BRSK2: variants seen among roughly 807,000 people sequenced by gnomAD.
The protein encoded by BRSK2 is BR serine/threonine kinase 2.
Under a neutral mutation model 83.3 loss-of-function variants are expected in BRSK2, and 19 were observed. The ratio of observed to expected loss-of-function variants is 0.23; its 90% CI spans 0.16 to 0.33. The LOEUF is 0.33. Ranked by LOEUF, BRSK2 falls within the 10% of genes least tolerant of loss-of-function variation. The pLI, the probability that BRSK2 is intolerant of heterozygous loss-of-function variation, is 1.00. For synonymous variants in BRSK2, 519 were observed against 435.4 expected (o/e 1.19, Z -2.39); for missense variants, 798 against 1,042.3 (o/e 0.77, Z 3.23).
rs1846188337 is a variant in BRSK2 at position 1,454,198 on chromosome 11, T to C, written c.1545-287T>C. ...TGGGGGGCTCACCTGTGGAGGGGCA[T>C]CCCCAGACTTGGGAGTGGGTGGCAT... On this transcript the variant is annotated intron_variant, in intron 15 of 19. Coordinates refer to ENST00000528841, the MANE Select transcript of BRSK2 (RefSeq NM_001256627.2). This position sits in a 1 kb window ranked among gnomAD's most constrained non-coding sequence, Gnocchi z 5.2. 4.8e-6 allele frequency: 1 copy of C among 207,360 alleles called. No individual in the cohort carries two copies. The highest frequency in any genetic ancestry group is 4.6e-5 in the African/African-American group (1 of 21,782). 12.8% of individuals were successfully genotyped at this position (207,360 alleles called of 1,614,324 possible).
chr11:1,460,429 C>T (rs1847288659), intron 19 of BRSK2, 71 bp from the exon 20 acceptor site: 3 of 1,009,692 alleles, frequency 3.0e-6, no homozygotes, highest in African/African-American at 1.7e-5. Context: ...TCCCTCCCCT[C>T]CTCTTTCTCT....
intron 1 of BRSK2, among the ~76,000 whole-genome samples, chr11:1,427,889 G>A (rs1163380871): frequency 6.6e-6 from 1 of 152,186 alleles, no homozygotes; most frequent in African/African-American, 2.4e-5. Flanking sequence ...CCAGAAAGTG[G>A]CAAAACTGCT....
At chr11:1,412,906 G>C (rs7107140) in intron 1 of BRSK2, among the ~76,000 whole-genome samples, 1 of 150,264 alleles carries the variant, frequency 6.7e-6, no homozygotes. Flanking sequence ...GCAGTCACTC[G>C]CATGGGACGG....
At position 1,423,563 on chromosome 11, in the gene BRSK2, C is replaced by G. The variant is rs1034071330; in HGVS notation, c.92-12477C>G. On this transcript the variant is annotated intron_variant, in intron 1 of 19. Coordinates refer to ENST00000528841, the MANE Select transcript of BRSK2 (RefSeq NM_001256627.2). This position sits in a 1 kb window ranked among gnomAD's most constrained non-coding sequence, Gnocchi z 6.5. ...CGAGCTCCCTGGGGCTCCTCAGACCCGGTCACCGAACAGCAGAGACGTGCT... is the reference window on the plus strand; with the variant it reads ...CGAGCTCCCTGGGGCTCCTCAGACCGGGTCACCGAACAGCAGAGACGTGCT... Among the ~76,000 whole-genome samples, 9 of 152,136 alleles carry G rather than the reference C, an allele frequency of 5.9e-5. No individual in the cohort carries two copies. The highest frequency in any genetic ancestry group is 8.8e-5 in the Non-Finnish European group (6 of 68,010).
At chr11:1,439,217 G>A (rs970393298) in intron 3 of BRSK2, among the ~76,000 whole-genome samples, 3 of 152,086 alleles carry the variant, frequency 2.0e-5, no homozygotes, top group African/African-American at 7.2e-5. Context: ...CTGAGGGCCT[G>A]GCTGAACCCA....
intron 1 of BRSK2, among the ~76,000 whole-genome samples, chr11:1,434,439 G>A (rs1303834576): frequency 3.4e-5 from 5 of 147,542 alleles, no homozygotes; most frequent in South Asian, 2.2e-4. Context: ...GGGGTCCCCT[G>A]TGATAATATG....
At chr11:1,439,619 G>T (rs370332023) in intron 3 of BRSK2, among the ~76,000 whole-genome samples, 1 of 152,166 alleles carries the variant, frequency 6.6e-6, no homozygotes, top group East Asian at 1.9e-4. Flanking sequence ...GGCCGGGCTC[G>T]CGGCTTCTCC....
chr11:1,402,160 C>T (rs2134054131), intron 1 of BRSK2, among the ~76,000 whole-genome samples: 1 of 152,320 alleles, frequency 6.6e-6, no homozygotes, highest in East Asian at 1.9e-4. Context: ...ATGGAGCAGC[C>T]TGGGGAAGGC....
At chr11:1,421,829 A>G (rs539061044) in intron 1 of BRSK2, among the ~76,000 whole-genome samples, 1 of 152,252 alleles carries the variant, frequency 6.6e-6, no homozygotes, top group East Asian at 1.9e-4. Context: ...TGTCTGTGGC[A>G]ACTTCAGAGG....
chr11:1,435,952 G>A, intron 1 of BRSK2, 88 bp from the exon 2 acceptor site: 1 of 984,572 alleles, frequency 1.0e-6, no homozygotes, highest in Non-Finnish European at 1.5e-6. Context: ...CCAGGACGTG[G>A]GAGGAGGCCC....
chr11:1,446,046 AGCTGGGCTGG>A (rs55914513), intron 12 of BRSK2, 139 bp downstream of exon 12: 24 of 940,774 alleles, frequency 2.6e-5, no homozygotes, highest in South Asian at 7.2e-5. Flanking sequence ...AACTGGGCTT[AGCTGGGCTGG>A]GCTGGGCTGG....
chr11:1,435,773 G>A (rs1012542258), intron 1 of BRSK2, among the ~76,000 whole-genome samples: 22 of 151,800 alleles, frequency 1.4e-4, no homozygotes, highest in African/African-American at 4.8e-4. Context: ...GGTGCCTTGG[G>A]ATGGGGAGAG....
At chr11:1,425,378 C>T (rs1849094957) in intron 1 of BRSK2, among the ~76,000 whole-genome samples, 1 of 152,196 alleles carries the variant, frequency 6.6e-6, no homozygotes, top group South Asian at 2.1e-4. Flanking sequence ...TGCTGCCAGA[C>T]ATGCCCACTG....
chr11:1,454,256 A>AAAGGTT lies in BRSK2; in HGVS notation c.1545-227_1545-222dup. The AAAGGTT allele has an allele frequency of 2.1e-6, 1 of 465,826 alleles. No individual in the cohort carries two copies. The highest frequency in any genetic ancestry group is 4.1e-5 in the East Asian group (1 of 24,626). The allele number at this position is 465,826 out of a possible 1,614,324, so 28.9% of individuals were successfully genotyped here. On this transcript the variant is annotated intron_variant, in intron 15 of 19. Coordinates refer to ENST00000528841, the MANE Select transcript of BRSK2 (RefSeq NM_001256627.2). This position sits in a 1 kb window ranked among gnomAD's most constrained non-coding sequence, Gnocchi z 5.2. ...AGGGTCAGGGCGTTAGGGCTTGGAG[A>AAAGGTT]AAGGTTAGGGTTGGGGTTGGGGTTA...
chr11:1,446,532 T>C (rs979595351), intron 12 of BRSK2, among the ~76,000 whole-genome samples: 11 of 152,212 alleles, frequency 7.2e-5, no homozygotes, highest in Non-Finnish European at 1.3e-4. Flanking sequence ...CCTGTCCCCC[T>C]GGTCCCAGCA....
chr11:1,443,218 G>T, intron 6 of BRSK2, 79 bp downstream of exon 6: 1 of 1,517,414 alleles, frequency 6.6e-7, no homozygotes, highest in Non-Finnish European at 8.8e-7. Context: ...CCAGCCTGCC[G>T]CACCCCCAGG....
At chr11:1,394,961 C>G (rs1377898505) in intron 1 of BRSK2, among the ~76,000 whole-genome samples, 3 of 148,868 alleles carry the variant, frequency 2.0e-5, no homozygotes, top group African/African-American at 7.4e-5. Flanking sequence ...GAGATGGGCC[C>G]CTGGAGATGG....
chr11:1,439,448 A>G (rs1184123872), intron 3 of BRSK2, among the ~76,000 whole-genome samples: 1 of 146,486 alleles, frequency 6.8e-6, no homozygotes, highest in Non-Finnish European at 1.5e-5. Context: ...GATGCTGGCA[A>G]GGTGGACTGT....
At chr11:1,460,461 CTTTTTTTTTTTTTTTTT>C in intron 19 of BRSK2, 22 bp from the exon 20 acceptor site, 2 of 541,916 alleles carry the variant, frequency 3.7e-6, no homozygotes, top group Non-Finnish European at 4.7e-6. Flanking sequence ...TTCTTTTTTC[CTTTTTTTTTTTTTTTTT>C]GTCTCTGTTC....
Sources: allele counts gnomAD v4.1 joint callset (sites outside exome capture counted in the v4.1 genomes callset), GRCh38; gene constraint gnomAD v4.1.1; non-coding constraint Gnocchi (gnomAD v3.1); transcripts MANE v1.5; gene names NCBI Gene and HGNC (gene_info 2026-07-23, HGNC 2026-07-21).